USP34: variants seen among roughly 807,000 people sequenced by gnomAD.
USP34 encodes the protein ubiquitin specific peptidase 34.
USP34 carries 70 observed loss-of-function variants against 460.3 expected under a neutral mutation model. The observed-to-expected ratio is 0.15, with a 90% CI of 0.13 to 0.19. The LOEUF is 0.19. Among genes scored for constraint, USP34 ranks in the 10% least tolerant of loss-of-function variants. USP34 has a pLI of 1.00. For synonymous variants in USP34, 1,647 were observed against 1,405.3 expected (o/e 1.17, Z -3.85); for missense variants, 3,985 against 4,236.2 (o/e 0.94, Z 1.65).
At chr2:61,426,945 T>G (rs141661271) in intron 1 of USP34, among the ~76,000 whole-genome samples, 296 of 152,254 alleles carry the variant, frequency 1.9e-3, no homozygotes, top group Middle Eastern at 0.01. Flanking sequence ...CTTGTCCAAA[T>G]CCATCAAGGT....
intron 34 of USP34, among the ~76,000 whole-genome samples, chr2:61,286,866 T>C (rs1488894083): frequency 9.9e-5 from 15 of 152,170 alleles, no homozygotes; most frequent in Admixed American, 6.6e-4. Flanking sequence ...CATACACTTA[T>C]GTATATTTAT....
intron 75 of USP34, among the ~76,000 whole-genome samples, chr2:61,197,522 G>A (rs188774302): frequency 7.9e-5 from 12 of 152,164 alleles, no homozygotes; most frequent in Non-Finnish European, 1.0e-4. Flanking sequence ...AATGTTTTCC[G>A]CAACTTCAGT....
At chr2:61,241,102 T>C (rs753019304) in intron 53 of USP34, among the ~76,000 whole-genome samples, 2 of 152,232 alleles carry the variant, frequency 1.3e-5, no homozygotes, top group Non-Finnish European at 2.9e-5. Context: ...TGGAGTGCAG[T>C]GGTGTGATCT....
rs770514021 is a variant in USP34, at chr2:61,406,073, C to A, written c.187G>T (p.Val63Leu). ...ATCACTAAGTTAATAAGTGCACACA[C>A]TACTTGATTAAAAATCTCCAAATGC... Reference protein sequence around the residue: ...YKHLEIFNQVVCALINLVIAQ... With the variant: ...YKHLEIFNQVLCALINLVIAQ... Residue 63 changes from valine to leucine, a missense_variant, in exon 3 of 80, where the codon GTG becomes TTG. This residue lies in a region of USP34 where 331 missense variants were observed against 293.7 expected (regional missense o/e 1.13). Transcript: ENST00000398571. 2 of 1,613,100 alleles carry A rather than the reference C, an allele frequency of 1.2e-6. No homozygotes were observed. Among genetic ancestry groups the A allele is most frequent in the East Asian group, 4.5e-5 (2 of 44,822 alleles).
At chr2:61,467,631 T>G (rs1212408207) in intron 1 of USP34, among the ~76,000 whole-genome samples, 1 of 146,004 alleles carries the variant, frequency 6.8e-6, no homozygotes, top group African/African-American at 2.5e-5. Context: ...TTTTTTTTTT[T>G]TTTTTTGAGA....
At chr2:61,328,624 A>C (rs549551236) in intron 20 of USP34, among the ~76,000 whole-genome samples, 1 of 152,302 alleles carries the variant, frequency 6.6e-6, no homozygotes, top group East Asian at 1.9e-4. Flanking sequence ...GAAAGGTTGG[A>C]AAGATTATTC....
intron 5 of USP34, among the ~76,000 whole-genome samples, chr2:61,390,405 C>T (rs999219080): frequency 6.6e-6 from 1 of 152,200 alleles, no homozygotes; most frequent in Non-Finnish European, 1.5e-5. Flanking sequence ...TTCTATTTCT[C>T]TAAGCTGTGT....
intron 39 of USP34, 128 bp downstream of exon 39, chr2:61,280,116 T>C (rs978300788): frequency 1.4e-5 from 7 of 502,116 alleles, no homozygotes; most frequent in Middle Eastern, 5.1e-4. Context: ...ATAGTAGAAA[T>C]AGGACACCAC....
At chr2:61,344,678 G>A (rs968115737) in intron 15 of USP34, among the ~76,000 whole-genome samples, 1 of 152,176 alleles carries the variant, frequency 6.6e-6, no homozygotes, top group Admixed American at 6.5e-5. Context: ...ACTAAGATTT[G>A]CAGTGTACCA....
chr2:61,368,213 T>G (rs1692497358), intron 10 of USP34, among the ~76,000 whole-genome samples: 1 of 152,040 alleles, frequency 6.6e-6, no homozygotes, highest in Admixed American at 6.6e-5. Flanking sequence ...GCGGAAGGAT[T>G]ATGAGGTTAA....
chr2:61,464,629 C>T (rs948307380), intron 1 of USP34, among the ~76,000 whole-genome samples: 2 of 149,892 alleles, frequency 1.3e-5, no homozygotes, highest in Non-Finnish European at 3.0e-5. Flanking sequence ...TGGTGGCTCA[C>T]GCCTGTAGTC....
In USP34 at chr2:61,231,904, C is replaced by A. The variant is rs192456933; in HGVS notation, c.7113+548G>T. Among the ~76,000 whole-genome samples the A allele has an allele frequency of 1.9e-4, 29 of 149,704 alleles. No homozygotes were observed. In the East Asian group the frequency reaches 5.3e-3, roughly 27 times the overall value. The stretch of plus-strand genomic sequence containing the variant: ...CATATATATGTAATATATACACACA[C>A]GCATATATATCTCAATAGTAACTGG... On this transcript the variant is annotated intron_variant, in intron 58 of 79. Coordinates refer to ENST00000398571, the MANE Select transcript of USP34 (RefSeq NM_014709.4).
chr2:61,340,896 T>C (rs1209494037), intron 16 of USP34, among the ~76,000 whole-genome samples: 1 of 151,562 alleles, frequency 6.6e-6, no homozygotes, highest in East Asian at 1.9e-4. Flanking sequence ...GGGACTGTTT[T>C]GGTATTTCGC....
intron 10 of USP34, among the ~76,000 whole-genome samples, chr2:61,355,203 A>T (rs1239989206): frequency 6.6e-6 from 1 of 152,226 alleles, no homozygotes; most frequent in African/African-American, 2.4e-5. Context: ...AGGGTACAAG[A>T]TGAATAAATA....
intron 5 of USP34, among the ~76,000 whole-genome samples, chr2:61,385,671 CAA>C (rs61200102): frequency 7.6e-4 from 35 of 45,998 alleles, no homozygotes; most frequent in South Asian, 3.0e-3. Context: ...GACTCTGTCT[CAA>C]AAAAAAAAAA....
In USP34 at chr2:61,265,573, G is replaced by A; in HGVS notation, c.5618-16C>T. The A allele has an allele frequency of 6.3e-7, 1 of 1,576,538 alleles. No homozygotes were observed. Among genetic ancestry groups the A allele is most frequent in the Non-Finnish European group, 8.6e-7 (1 of 1,158,582 alleles). On this transcript the variant is annotated splice_polypyrimidine_tract_variant and intron_variant, in intron 42 of 79. Transcript: ENST00000398571. The stretch of plus-strand genomic sequence containing the variant: ...GGTGCATGGGCTGCTGAAGAAAGAG[G>A]GAGGAAAAGATCCCCCCCAAACAAA...
chr2:61,373,397 T>G (rs1692691465), intron 8 of USP34, among the ~76,000 whole-genome samples: 1 of 150,494 alleles, frequency 6.6e-6, no homozygotes. Flanking sequence ...AACTATATGC[T>G]ACCCCCAAGA....
intron 1 of USP34, among the ~76,000 whole-genome samples, chr2:61,431,962 C>T (rs1212097939): frequency 6.6e-6 from 1 of 152,094 alleles, no homozygotes; most frequent in African/African-American, 2.4e-5. Flanking sequence ...CCAATTTGAT[C>T]ATTACACATC....
chr2:61,189,012 C>G lies in USP34; in HGVS notation c.9931G>C (p.Ala3311Pro). 1.2e-6 allele frequency: 2 copies of G among 1,614,208 alleles called. No individual in the cohort carries two copies. Among genetic ancestry groups the G allele is most frequent in the Non-Finnish European group, 1.7e-6 (2 of 1,180,050 alleles). ...AGCTCTTGCAGAGTTGGAATTAGAG[C>G]TGGGTTTAACTGTTTGGGAGTGTGT... ...SVHTPKQLNP[A>P]LIPTLQELLS... is the part of the protein sequence containing the mutation. The change falls in exon 79 of 80, where the codon GCT (alanine) becomes CCT (proline). Residue 3311 changes from alanine (A) to proline (P), a missense_variant. Around this residue, in one of 14 missense-constraint regions of USP34, gnomAD observed 506 missense variants for 439.0 expected, o/e 1.15. Transcript: ENST00000398571.
Sources: gnomAD v4.1 joint callset for allele counts (sites outside exome capture counted in the v4.1 genomes callset) on GRCh38, gnomAD v4.1.1 for gene constraint, gnomAD v4.1.1 regional missense constraint, MANE v1.5 for transcripts, NCBI Gene and HGNC (gene_info 2026-07-23, HGNC 2026-07-21) for gene names.